Variants in EIF4EBP2 observed in about 807,000 individuals in gnomAD.
EIF4EBP2 encodes eukaryotic translation initiation factor 4E-binding protein 2.
In EIF4EBP2, 5 loss-of-function variants were observed where a neutral mutation model predicts 10.3. That is an observed-to-expected ratio of 0.48 (90% CI 0.25 to 1.02). The LOEUF (loss-of-function observed/expected upper bound fraction) is 1.02, where lower values mean the gene tolerates loss of function less well. EIF4EBP2 is among the 50% of genes least tolerant of loss of function. The pLI is 0.15. For missense variants in EIF4EBP2, 188 were observed against 162.2 expected (o/e 1.16, Z -0.86); for synonymous variants, 67 against 61.1 (o/e 1.10, Z -0.45).
chr10:70,414,368 A>G (rs954168575), intron 1 of EIF4EBP2, among the ~76,000 whole-genome samples: 3 of 152,332 alleles, frequency 2.0e-5, no homozygotes, highest in African/African-American at 7.2e-5. Context: ...AAACTTATAA[A>G]TACTATACTT....
chr10:70,421,176 G>A (rs748842322), intron 2 of EIF4EBP2, among the ~76,000 whole-genome samples: 7 of 152,144 alleles, frequency 4.6e-5, no homozygotes, highest in Non-Finnish European at 7.4e-5. Flanking sequence ...CCAGAACTGC[G>A]TTTAAGGTTT....
chr10:70,417,648 G>A (rs1238019653), intron 1 of EIF4EBP2, among the ~76,000 whole-genome samples: 1 of 152,162 alleles, frequency 6.6e-6, no homozygotes, highest in Non-Finnish European at 1.5e-5. Context: ...TGTATGCGTT[G>A]TTGCTGATAC....
chr10:70,413,777 G>T, intron 1 of EIF4EBP2, among the ~76,000 whole-genome samples: 1 of 151,722 alleles, frequency 6.6e-6, no homozygotes, highest in East Asian at 1.9e-4. Context: ...ATAAGACTAA[G>T]GAGCATGATT....
intron 2 of EIF4EBP2, among the ~76,000 whole-genome samples, chr10:70,421,497 T>C (rs1299403964): frequency 6.6e-6 from 1 of 152,218 alleles, no homozygotes; most frequent in Non-Finnish European, 1.5e-5. Flanking sequence ...TTTTCACTTG[T>C]GTCCTTTTCC....
At chr10:70,417,672 C>G (rs1311506713) in intron 1 of EIF4EBP2, among the ~76,000 whole-genome samples, 2 of 152,122 alleles carry the variant, frequency 1.3e-5, no homozygotes, top group African/African-American at 4.8e-5. Flanking sequence ...ATTTAGAAAG[C>G]TTGCTTCTGT....
At position 70,427,481 on chromosome 10, in the gene EIF4EBP2, C is replaced by CT. The variant is rs770905840; in HGVS notation, c.*5737dup. On this transcript the variant is annotated 3_prime_UTR_variant, in exon 3 of 3. Coordinates refer to ENST00000373218, the MANE Select transcript of EIF4EBP2 (RefSeq NM_004096.5). ...ACTTACAGAAATTTCTAACTGAAAACTTTAAGAGTTATTGATACTTGTTTT... is the reference window on the plus strand; with the variant it reads ...ACTTACAGAAATTTCTAACTGAAAACTTTTAAGAGTTATTGATACTTGTTTT... 36 of 152,086 alleles carry CT rather than the reference C, an allele frequency of 2.4e-4. No individual in the cohort carries two copies. In the Middle Eastern group the frequency reaches 0.017, roughly 72 times the overall value. 9.4% of individuals were successfully genotyped at this position (152,086 alleles called of 1,614,324 possible).
intron 1 of EIF4EBP2, among the ~76,000 whole-genome samples, chr10:70,417,124 A>T (rs1845105749): frequency 6.6e-6 from 1 of 152,232 alleles, no homozygotes; most frequent in Non-Finnish European, 1.5e-5. Context: ...TGATAAATTG[A>T]TAAGGTGCGA....
intron 1 of EIF4EBP2, 57 bp from the exon 2 acceptor site, chr10:70,419,857 A>G: frequency 8.2e-7 from 1 of 1,222,202 alleles, no homozygotes; most frequent in Non-Finnish European, 1.1e-6. Context: ...CCTGGGTGGT[A>G]TTATATGTTG....
Position 70,404,280 on chromosome 10 carries a change from G to T in EIF4EBP2, c.-122G>T, listed in dbSNP as rs888484780. 7.0e-6 allele frequency: 9 copies of T among 1,280,848 alleles called. No homozygotes were observed. The highest frequency in any genetic ancestry group is 8.1e-6 in the Non-Finnish European group (8 of 984,052). The allele number at this position is 1,280,848 out of a possible 1,614,324, so 79.3% of individuals were successfully genotyped here. ...GGGAGCGGAGCGGGACGAGGGAACG[G>T]GAGGAAGCGAGCGAGGAGCGCGCAG... On this transcript the variant is annotated 5_prime_UTR_variant, in exon 1 of 3. Transcript: ENST00000373218.
intron 1 of EIF4EBP2, among the ~76,000 whole-genome samples, chr10:70,413,674 T>A (rs186866671): frequency 1.5e-4 from 23 of 151,842 alleles, no homozygotes; most frequent in Non-Finnish European, 5.9e-5. Flanking sequence ...CCTTAACTGT[T>A]AATTCTTCTA....
intron 1 of EIF4EBP2, among the ~76,000 whole-genome samples, chr10:70,413,360 G>A (rs992099757): frequency 4.6e-5 from 7 of 151,980 alleles, no homozygotes; most frequent in Non-Finnish European, 7.4e-5. Flanking sequence ...GCTTGGTGGC[G>A]TACACCTATA....
intron 1 of EIF4EBP2, among the ~76,000 whole-genome samples, chr10:70,418,818 A>G (rs1028909224): frequency 1.6e-4 from 25 of 152,138 alleles, no homozygotes; most frequent in Non-Finnish European, 3.5e-4. Context: ...CTAAAATTAT[A>G]TTTGATTTAC....
Position 70,426,261 on chromosome 10 carries a change from T to C in EIF4EBP2, c.*4514T>C, listed in dbSNP as rs1845205178. ...AAGATGCAATATCTTTTTCTTTCTT[T>C]CTTTCTTTCTTTTTTTCTGAGACAA... On this transcript the variant is annotated 3_prime_UTR_variant, in exon 3 of 3. Coordinates refer to ENST00000373218, the MANE Select transcript of EIF4EBP2 (RefSeq NM_004096.5). 1.3e-5 allele frequency: 2 copies of C among 152,190 alleles called. No individual in the cohort carries two copies. Among genetic ancestry groups the C allele is most frequent in the Non-Finnish European group, 2.9e-5 (2 of 68,050 alleles). 9.4% of individuals were successfully genotyped at this position (152,190 alleles called of 1,614,324 possible).
At chr10:70,404,684 G>A in intron 1 of EIF4EBP2, 138 bp downstream of exon 1, 7 of 1,160,514 alleles carry the variant, frequency 6.0e-6, no homozygotes, top group Non-Finnish European at 6.9e-6. Context: ...GGGCCCGCCC[G>A]AGCGTTCGGG....
Position 70,407,164 on chromosome 10 carries a change from G to A in EIF4EBP2, c.145+2618G>A, listed in dbSNP as rs963775356. 2.2e-4 allele frequency among the ~76,000 whole-genome samples: 34 copies of A among 151,340 alleles called. No homozygotes were observed. In the South Asian group the frequency reaches 6.7e-3, roughly 30 times the overall value. On this transcript the variant is annotated intron_variant, in intron 1 of 2. Transcript: ENST00000373218. ...TCATTCTTGGGTGTTTCTCGCAGAG[G>A]GGGATTTGGCAGGGTCACAGGACAA...
intron 1 of EIF4EBP2, among the ~76,000 whole-genome samples, chr10:70,418,982 T>C (rs963600927): frequency 2.6e-5 from 4 of 152,150 alleles, no homozygotes; most frequent in Non-Finnish European, 5.9e-5. Flanking sequence ...ACTTGGCTCT[T>C]TTTAAAATAA....
At chr10:70,404,864 C>T (rs1364608281) in intron 1 of EIF4EBP2, among the ~76,000 whole-genome samples, 1 of 152,250 alleles carries the variant, frequency 6.6e-6, no homozygotes, top group Non-Finnish European at 1.5e-5. Flanking sequence ...GCGGATTTGG[C>T]TCCACTTGGC....
Position 70,425,516 on chromosome 10 carries a change from T to C in EIF4EBP2, c.*3769T>C, listed in dbSNP as rs921202085. On this transcript the variant is annotated 3_prime_UTR_variant, in exon 3 of 3. Transcript: ENST00000373218. ...GATAGATTGCTATCAAAAACAGTTCTCCAAGATGTGCATAGCCAAACTGGG... is the reference window on the plus strand; with the variant it reads ...GATAGATTGCTATCAAAAACAGTTCCCCAAGATGTGCATAGCCAAACTGGG... The C allele has an allele frequency of 6.6e-6, 1 of 152,196 alleles. No individual in the cohort carries two copies. The highest frequency in any genetic ancestry group is 6.5e-5 in the Admixed American group (1 of 15,278). 9.4% of individuals were successfully genotyped at this position (152,196 alleles called of 1,614,324 possible). A position where few individuals can be genotyped will look rare whatever the true frequency, so the allele number is the denominator to read the frequency against.
chr10:70,419,251 C>T (rs1187670511), intron 1 of EIF4EBP2, among the ~76,000 whole-genome samples: 2 of 152,298 alleles, frequency 1.3e-5, no homozygotes, highest in African/African-American at 2.4e-5. Context: ...GTAAGCAGCA[C>T]GTTTCCATAA....
Sources: gnomAD v4.1 joint callset for allele counts (sites outside exome capture counted in the v4.1 genomes callset) on GRCh38, gnomAD v4.1.1 for gene constraint, MANE v1.5 for transcripts, NCBI Gene and HGNC (gene_info 2026-07-23, HGNC 2026-07-21) for gene names.